UNC13C: variants seen among roughly 807,000 people sequenced by gnomAD.
The protein encoded by UNC13C is unc-13 homolog C.
A neutral mutation model predicts 245.4 loss-of-function variants in UNC13C; 174 were observed. That is an observed-to-expected ratio of 0.71 (90% CI 0.63 to 0.80). The LOEUF (loss-of-function observed/expected upper bound fraction) is 0.80. Among genes scored for constraint, UNC13C ranks in the 30% least tolerant of loss-of-function variants. The probability of loss-of-function intolerance (pLI) is 0.00; values close to 1 mark genes in which losing one functional copy is unlikely to be tolerated. For synonymous variants in UNC13C, 992 were observed against 895.1 expected, an observed-to-expected ratio of 1.11 and a Z score of -1.93; for missense variants, 2,829 against 2,602.9, an observed-to-expected ratio of 1.09 and a Z score of -1.89.
chr15:54,477,817 G>A (rs1406645938), intron 19 of UNC13C, among the ~76,000 whole-genome samples: 7 of 149,252 alleles, frequency 4.7e-5, no homozygotes, highest in South Asian at 2.2e-4. Context: ...GATGATGCTG[G>A]CCTCATAAAA....
chr15:54,597,424 C>T (rs1487866490), intron 30 of UNC13C, among the ~76,000 whole-genome samples: 2 of 152,192 alleles, frequency 1.3e-5, no homozygotes, highest in Non-Finnish European at 2.9e-5. Flanking sequence ...AACCTACAGG[C>T]CAAAGTTTCT....
At chr15:54,316,405 C>T (rs1016526327) in intron 13 of UNC13C, among the ~76,000 whole-genome samples, 3 of 151,870 alleles carry the variant, frequency 2.0e-5, no homozygotes, top group Admixed American at 6.6e-5. Context: ...AAACTCTATG[C>T]CACGCTTGGC....
the UNC13C span, among the ~76,000 whole-genome samples, chr15:53,972,395 T>C: frequency 1.3e-5 from 2 of 152,198 alleles, no homozygotes; most frequent in Non-Finnish European, 2.9e-5. Context: ...GGATGCTATG[T>C]CCAATCATAT....
the UNC13C span, among the ~76,000 whole-genome samples, chr15:53,890,099 T>C: frequency 6.6e-6 from 1 of 151,956 alleles, no homozygotes; most frequent in Non-Finnish European, 1.5e-5. Flanking sequence ...TCTCTTTTTC[T>C]AGTGTTTGGA....
the UNC13C span, among the ~76,000 whole-genome samples, chr15:53,874,700 C>T: frequency 2.4e-3 from 364 of 152,282 alleles, no homozygotes; most frequent in Non-Finnish European, 3.5e-3. Context: ...TGCCCAAAGC[C>T]GTCTCTCACA....
intron 2 of UNC13C, among the ~76,000 whole-genome samples, chr15:54,041,294 A>G (rs1250277975): frequency 6.6e-6 from 1 of 152,222 alleles, no homozygotes; most frequent in African/African-American, 2.4e-5. Flanking sequence ...TTGTCTCTAC[A>G]AATTATAATT....
chr15:54,626,742 A>G, intron 32 of UNC13C, 86 bp from the exon 33 acceptor site: 1 of 1,159,616 alleles, frequency 8.6e-7, no homozygotes, highest in Middle Eastern at 2.0e-4. Context: ...TCCAATGTAT[A>G]CAGTTTTCAG....
At chr15:54,408,641 A>G (rs2040356417) in intron 18 of UNC13C, among the ~76,000 whole-genome samples, 1 of 152,134 alleles carries the variant, frequency 6.6e-6, no homozygotes, top group South Asian at 2.1e-4. Context: ...TCTAATGTTT[A>G]TTTATCATTT....
chr15:54,337,718 G>A (rs779346571), intron 16 of UNC13C, among the ~76,000 whole-genome samples: 6 of 152,140 alleles, frequency 3.9e-5, no homozygotes, highest in Non-Finnish European at 5.9e-5. Context: ...CTTTAAGGCA[G>A]CGTAAGGGAG....
In UNC13C at chr15:54,308,497, T is replaced by C. The variant is rs78051666; in HGVS notation, c.4268+8124T>C. On this transcript the variant is annotated intron_variant, in intron 13 of 32. Transcript: ENST00000260323. ...ACATATATATTACTTTACATAGTTA[T>C]TTGTGTCATGAGTACACTTCCACGC... 8.7e-3 allele frequency among the ~76,000 whole-genome samples: 1,315 copies of C among 152,008 alleles called. 23 individuals are homozygous for C. Among genetic ancestry groups the C allele is most frequent in the East Asian group, 0.017 (85 of 5,148 alleles).
intron 19 of UNC13C, among the ~76,000 whole-genome samples, chr15:54,459,799 C>G (rs542450247): frequency 6.7e-6 from 1 of 148,650 alleles, no homozygotes; most frequent in Admixed American, 6.7e-5. Context: ...CATCCATATT[C>G]TTTTTTTTTT....
upstream of UNC13C, chr15:53,976,689 A>G (rs1205412917): frequency 2.6e-5 from 4 of 151,882 alleles, no homozygotes; most frequent in East Asian, 5.8e-4. Flanking sequence ...ATCATCTTTC[A>G]TTTATTTCCT....
chr15:54,591,288 G>A (rs1300466151), intron 30 of UNC13C, among the ~76,000 whole-genome samples: 1 of 151,854 alleles, frequency 6.6e-6, no homozygotes, highest in African/African-American at 2.4e-5. Context: ...TGGTATTAGG[G>A]TGATGCTGGC....
chr15:54,014,366 G>A lies in UNC13C; in HGVS notation c.1463G>A (p.Ser488Asn), dbSNP rs1895537113. The A allele has an allele frequency of 6.2e-7, 1 of 1,613,744 alleles. No individual in the cohort carries two copies. The highest frequency in any genetic ancestry group is 8.5e-7 in the Non-Finnish European group (1 of 1,179,844). Residue 488 changes from serine (S) to asparagine (N), a missense_variant, in exon 2 of 33, where the codon AGT (serine) becomes AAT (asparagine). Ser to Asn is a conservative substitution (Grantham distance 46, BLOSUM62 1). Coordinates refer to ENST00000260323, the MANE Select transcript of UNC13C (RefSeq NM_001080534.3). ...STSKPSSKSH[S>N]ARSKNKTANS... Reference sequence around the variant, plus strand: ...TCCAAGCCAAGCTCAAAATCACACAGTGCTAGATCCAAGAATAAAACTGCT... The same window carrying A: ...TCCAAGCCAAGCTCAAAATCACACAATGCTAGATCCAAGAATAAAACTGCT...
chr15:54,452,625 G>C (rs960056640), intron 19 of UNC13C, among the ~76,000 whole-genome samples: 3 of 152,336 alleles, frequency 2.0e-5, no homozygotes, highest in South Asian at 2.1e-4. Flanking sequence ...CCTGTCCTCA[G>C]ATTTCCCCAT....
At chr15:53,930,853 C>G in the UNC13C span, among the ~76,000 whole-genome samples, 1 of 152,226 alleles carries the variant, frequency 6.6e-6, no homozygotes, top group East Asian at 1.9e-4. Context: ...TCTTAAGGTA[C>G]TTTTTCAGTG....
intron 13 of UNC13C, among the ~76,000 whole-genome samples, chr15:54,304,737 G>T (rs2037682852): frequency 6.7e-6 from 1 of 149,178 alleles, no homozygotes; most frequent in African/African-American, 2.5e-5. Flanking sequence ...AATTAACTTT[G>T]GTGCAATTTT....
intron 19 of UNC13C, among the ~76,000 whole-genome samples, chr15:54,490,418 G>A (rs1893643596): frequency 6.6e-6 from 1 of 152,134 alleles, no homozygotes; most frequent in Non-Finnish European, 1.5e-5. Context: ...GGAATGAAGA[G>A]ACTGCAGGAA....
At chr15:54,228,164 C>CT (rs1248327895) in intron 4 of UNC13C, among the ~76,000 whole-genome samples, 1 of 152,166 alleles carries the variant, frequency 6.6e-6, no homozygotes, top group Non-Finnish European at 1.5e-5. Context: ...TACTGCCTGG[C>CT]TACAGTCAGC....
Sources: allele counts gnomAD v4.1 joint callset (sites outside exome capture counted in the v4.1 genomes callset), GRCh38; gene constraint gnomAD v4.1.1; transcripts MANE v1.5; gene names NCBI Gene and HGNC (gene_info 2026-07-23, HGNC 2026-07-21).